Variants in ATRN observed in about 807,000 individuals in gnomAD.
ATRN encodes the protein attractin.
In ATRN, 54 loss-of-function variants were observed where a neutral mutation model predicts 178.7. The ratio of observed to expected loss-of-function variants is 0.30; its 90% CI spans 0.24 to 0.38. The LOEUF (loss-of-function observed/expected upper bound fraction) is 0.38, where lower values mean the gene tolerates loss of function less well. ATRN is among the 10% of genes least tolerant of loss of function. The pLI is 1.00. For synonymous variants in ATRN, 636 were observed against 663.0 expected, an observed-to-expected ratio of 0.96 and a Z score of 0.63; for missense variants, 1,443 against 1,815.1, an observed-to-expected ratio of 0.79 and a Z score of 3.73.
intron 1 of ATRN, among the ~76,000 whole-genome samples, chr20:3,511,841 G>A (rs1331078654): frequency 6.6e-6 from 1 of 151,912 alleles, no homozygotes; most frequent in African/African-American, 2.4e-5. Context: ...AATGTGTGGG[G>A]CATTTGTTTA....
rs114962271 is a variant in ATRN, at chr20:3,645,082, C to T, written c.4165+814C>T. ...ATGGAATACAGTTTTGAAAGTATCTCGCTTAATTACAGAGTGCTTTGGAGG... is the reference window on the plus strand; with the variant it reads ...ATGGAATACAGTTTTGAAAGTATCTTGCTTAATTACAGAGTGCTTTGGAGG... On this transcript the variant is annotated intron_variant, in intron 28 of 28. Coordinates refer to ENST00000262919, the MANE Select transcript of ATRN (RefSeq NM_139321.3). This position sits in a 1 kb window ranked among gnomAD's most constrained non-coding sequence, Gnocchi z 4.7. 2.9e-3 allele frequency among the ~76,000 whole-genome samples: 448 copies of T among 152,234 alleles called. No individual in the cohort carries two copies. The highest frequency in any genetic ancestry group is 9.7e-3 in the African/African-American group (402 of 41,542).
At position 3,471,056 on chromosome 20, in the gene ATRN, C is replaced by A. The variant is rs1033904982; in HGVS notation, c.-52C>A. On this transcript the variant is annotated 5_prime_UTR_variant, in exon 1 of 29. Coordinates refer to ENST00000262919, the MANE Select transcript of ATRN (RefSeq NM_139321.3). ...GCACGGCCAGGCGAAGCGGAGCCGG[C>A]CGTGCGGTGTGTGTGTATGTGTTCG... The A allele has an allele frequency of 4.8e-6, 7 of 1,461,268 alleles. No homozygotes were observed. The African/African-American group carries it at 5.9e-5, about 12-fold the overall frequency. 90.5% of individuals were successfully genotyped at this position (1,461,268 alleles called of 1,614,324 possible).
chr20:3,528,586 G>C (rs1262363594), intron 1 of ATRN, among the ~76,000 whole-genome samples: 1 of 152,072 alleles, frequency 6.6e-6, no homozygotes, highest in Non-Finnish European at 1.5e-5. Flanking sequence ...GGACCTGCTT[G>C]AGGGTGGAGA....
intron 27 of ATRN, among the ~76,000 whole-genome samples, chr20:3,639,805 C>T (rs931610195): frequency 1.3e-5 from 2 of 152,198 alleles, no homozygotes; most frequent in African/African-American, 4.8e-5. Flanking sequence ...GGAATACTCT[C>T]CTTCCCTACC....
rs1401779348 is a variant in ATRN at position 3,632,256 on chromosome 20, G to A, written c.3864-2055G>A. On this transcript the variant is annotated intron_variant, in intron 25 of 28. Coordinates refer to ENST00000262919, the MANE Select transcript of ATRN (RefSeq NM_139321.3). The surrounding 1 kb of genome is among the most constrained non-coding windows in gnomAD (Gnocchi z 4.2). ...CACCATCATCTCACCTAGACTGCTG[G>A]TCTCCCTGATAATGCCATTGCACCT... 6.6e-6 allele frequency among the ~76,000 whole-genome samples: 1 copy of A among 152,100 alleles called. No homozygotes were observed. The highest frequency in any genetic ancestry group is 6.5e-5 in the Admixed American group (1 of 15,278).
At chr20:3,545,954 C>T in intron 4 of ATRN, 64 bp downstream of exon 4, 1 of 1,540,636 alleles carries the variant, frequency 6.5e-7, no homozygotes, top group Non-Finnish European at 8.9e-7. Flanking sequence ...GTTTTAACAA[C>T]AATAATGGCT....
intron 17 of ATRN, among the ~76,000 whole-genome samples, chr20:3,584,353 A>G (rs2086325700): frequency 6.6e-6 from 1 of 152,218 alleles, no homozygotes; most frequent in South Asian, 2.1e-4. Context: ...TGCTCAATCC[A>G]TGTAATATCT....
intron 25 of ATRN, chr20:3,629,123 C>G: frequency 1.0e-6 from 1 of 985,368 alleles, no homozygotes; most frequent in South Asian, 4.7e-5. Flanking sequence ...TCAGTGCACT[C>G]TCCACCTCCA....
Position 3,650,356 on chromosome 20 carries a change from G to A in ATRN, c.*3509G>A, listed in dbSNP as rs962455876. On this transcript the variant is annotated 3_prime_UTR_variant, in exon 29 of 29. Coordinates refer to ENST00000262919, the MANE Select transcript of ATRN (RefSeq NM_139321.3). ...ACTAACTTAAGCTAATGCTAGGGTA[G>A]TGACTGAGATGTAAAAATAGATTTT... 5 of 152,620 alleles carry A rather than the reference G, an allele frequency of 3.3e-5. No individual in the cohort carries two copies. The highest frequency in any genetic ancestry group is 7.3e-5 in the Non-Finnish European group (5 of 68,050). The allele number at this position is 152,620 out of a possible 1,614,324, so 9.5% of individuals were successfully genotyped here. A position where few individuals can be genotyped will look rare whatever the true frequency, so the allele number is the denominator to read the frequency against.
intron 27 of ATRN, among the ~76,000 whole-genome samples, chr20:3,643,468 C>A (rs1278985852): frequency 6.6e-6 from 1 of 151,238 alleles, no homozygotes; most frequent in East Asian, 1.9e-4. Context: ...GAGTTCAAGA[C>A]CTGCCTGGAC....
At chr20:3,495,788 T>G (rs1030570400) in intron 1 of ATRN, among the ~76,000 whole-genome samples, 1 of 151,436 alleles carries the variant, frequency 6.6e-6, no homozygotes, top group African/African-American at 2.4e-5. Context: ...CAAAACCCAC[T>G]GTAGCAGAAC....
chr20:3,636,106 C>T (rs2087023066), intron 26 of ATRN, among the ~76,000 whole-genome samples: 1 of 152,098 alleles, frequency 6.6e-6, no homozygotes. Context: ...ATAGCCTGTT[C>T]CTCCCTGAGT....
chr20:3,596,675 C>G (rs2086532967), intron 21 of ATRN, among the ~76,000 whole-genome samples: 1 of 151,504 alleles, frequency 6.6e-6, no homozygotes. Flanking sequence ...AGTAGAGAGG[C>G]ATGCATCTTT....
chr20:3,522,068 A>G (rs1425354268), intron 1 of ATRN, among the ~76,000 whole-genome samples: 3 of 152,130 alleles, frequency 2.0e-5, no homozygotes, highest in African/African-American at 7.2e-5. Flanking sequence ...AGGGTTATAG[A>G]CGTGAGCCAG....
At chr20:3,527,680 A>C (rs1279624034) in intron 1 of ATRN, among the ~76,000 whole-genome samples, 1 of 152,224 alleles carries the variant, frequency 6.6e-6, no homozygotes, top group Non-Finnish European at 1.5e-5. Flanking sequence ...CCAAATGCCC[A>C]TCGATGATAG....
intron 1 of ATRN, among the ~76,000 whole-genome samples, chr20:3,526,614 G>A (rs922535758): frequency 2.0e-5 from 3 of 152,102 alleles, no homozygotes; most frequent in South Asian, 2.1e-4. Flanking sequence ...CCAAAAAAGA[G>A]CCCATATAAC....
intron 1 of ATRN, among the ~76,000 whole-genome samples, chr20:3,516,392 A>T (rs866992003): frequency 1.3e-5 from 2 of 152,156 alleles, no homozygotes; most frequent in Non-Finnish European, 2.9e-5. Flanking sequence ...CAGCTTACCA[A>T]GGTGCCATTG....
Position 3,610,223 on chromosome 20 carries a change from G to A in ATRN, c.3801+5961G>A, listed in dbSNP as rs560508907. ...TTTATATGAAAGGGCAAAAGTTCTA[G>A]AATAGCTATAACAATTTAGAAAAAG... On this transcript the variant is annotated intron_variant, in intron 24 of 28. Coordinates refer to ENST00000262919, the MANE Select transcript of ATRN (RefSeq NM_139321.3). 1.8e-4 allele frequency among the ~76,000 whole-genome samples: 28 copies of A among 152,240 alleles called. No homozygotes were observed. In the South Asian group the frequency reaches 5.8e-3, roughly 32 times the overall value.
chr20:3,546,099 G>T (rs2085696963), intron 4 of ATRN, among the ~76,000 whole-genome samples: 1 of 152,190 alleles, frequency 6.6e-6, no homozygotes, highest in Admixed American at 6.5e-5. Flanking sequence ...GCAGGAAAAG[G>T]TTAGTAGATT....
Sources: gnomAD v4.1 joint callset for allele counts (sites outside exome capture counted in the v4.1 genomes callset) on GRCh38, gnomAD v4.1.1 for gene constraint, Gnocchi (gnomAD v3.1) non-coding constraint, MANE v1.5 for transcripts, NCBI Gene and HGNC (gene_info 2026-07-23, HGNC 2026-07-21) for gene names.